ALPK2: variants seen among roughly 807,000 people sequenced by gnomAD.
ALPK2 encodes alpha kinase 2.
In ALPK2, 127 loss-of-function variants were observed where a neutral mutation model predicts 163.1. The ratio of observed to expected loss-of-function variants is 0.78; its 90% confidence interval spans 0.67 to 0.90. The LOEUF (loss-of-function observed/expected upper bound fraction) is 0.90, where lower values mean the gene tolerates loss of function less well. ALPK2 is among the 40% of genes least tolerant of loss of function. The pLI, the probability that ALPK2 is intolerant of heterozygous loss-of-function variation, is 0.00. For synonymous variants in ALPK2, 953 were observed against 959.1 expected (o/e 0.99, Z 0.12); for missense variants, 2,360 against 2,589.6 (o/e 0.91, Z 1.92).
At chr18:58,573,226 G>GTGTA (rs2051895556) in intron 4 of ALPK2, among the ~76,000 whole-genome samples, 1 of 139,466 alleles carries the variant, frequency 7.2e-6, no homozygotes, top group African/African-American at 2.7e-5. Context: ...ATATATATGT[G>GTGTA]TATATGTGTG....
At position 58,593,397 on chromosome 18, in the gene ALPK2, C is replaced by T. The variant is rs569499129; in HGVS notation, c.228-12849G>A. ...TGGCCAACATGGTGAAACCCCATCT[C>T]TACTAAAAATACAAAAATTAGCAGA... On this transcript the variant is annotated intron_variant, in intron 3 of 12. Transcript: ENST00000361673. Among the ~76,000 whole-genome samples the T allele has an allele frequency of 9.9e-5, 15 of 151,116 alleles. No individual in the cohort carries two copies. In the South Asian group the frequency reaches 2.9e-3, roughly 29 times the overall value.
At chr18:58,603,795 A>C (rs1402078369) in intron 3 of ALPK2, among the ~76,000 whole-genome samples, 1 of 150,792 alleles carries the variant, frequency 6.6e-6, no homozygotes, top group Non-Finnish European at 1.5e-5. Context: ...CCACTCCCCA[A>C]CTCCTACATC....
chr18:58,540,822 G>T (rs1016123120), intron 4 of ALPK2, among the ~76,000 whole-genome samples: 1 of 152,150 alleles, frequency 6.6e-6, no homozygotes, highest in African/African-American at 2.4e-5. Context: ...CAGGCACTGG[G>T]CAATTTTTTC....
intron 4 of ALPK2, 78 bp downstream of exon 4, chr18:58,578,736 A>ACACACGCGCGCGCACGCGCGCG (rs1555673981): frequency 1.7e-5 from 13 of 760,878 alleles, no homozygotes; most frequent in South Asian, 5.8e-5. Flanking sequence ...AGGAAGAGAC[A>ACACACGCGCGCGCACGCGCGCG]CACACACACA....
At chr18:58,628,715 T>C (rs2052244061) in intron 1 of ALPK2, 49 bp downstream of exon 1, 1 of 152,190 alleles carries the variant, frequency 6.6e-6, no homozygotes, top group Admixed American at 6.5e-5. Context: ...CAACTATATA[T>C]TGAAAGCACA....
chr18:58,498,616 A>G (rs904558992), intron 11 of ALPK2, among the ~76,000 whole-genome samples: 1 of 152,338 alleles, frequency 6.6e-6, no homozygotes. Flanking sequence ...TGTAGCTCCC[A>G]TAATTCCCAT....
rs140586410 is a variant in ALPK2 at position 58,517,104 on chromosome 18, C to T, written c.5744G>A (p.Arg1915His). 19 of 1,614,108 alleles carry T rather than the reference C, an allele frequency of 1.2e-5. No homozygotes were observed. Among genetic ancestry groups the T allele is most frequent in the East Asian group, 6.7e-5 (3 of 44,904 alleles). ...CAGCTCCTCCGTGGCGATCTGACCA[C>T]GCAGGCGGCCCCCAAAGTAGCTGTC... is the stretch of plus-strand genomic sequence containing the variant. ...LHDSYFGGRL[R>H]GQIATEELHF... Residue 1915 changes from arginine (R) to histidine (H), a missense_variant, in exon 9 of 13, where the codon CGT (arginine) becomes CAT (histidine). Transcript: ENST00000361673.
chr18:58,590,155 G>T (rs1293797612), intron 3 of ALPK2, among the ~76,000 whole-genome samples: 4 of 148,788 alleles, frequency 2.7e-5, no homozygotes, highest in Non-Finnish European at 4.4e-5. Context: ...CAGGGGCGGA[G>T]ATTGCAGTGA....
At chr18:58,526,738 G>T (rs2051587020) in intron 6 of ALPK2, among the ~76,000 whole-genome samples, 1 of 152,148 alleles carries the variant, frequency 6.6e-6, no homozygotes, top group African/African-American at 2.4e-5. Context: ...AAGTATATTA[G>T]TCTTGCCCTA....
intron 3 of ALPK2, among the ~76,000 whole-genome samples, chr18:58,599,844 T>C (rs1174712883): frequency 6.6e-6 from 1 of 152,078 alleles, no homozygotes; most frequent in African/African-American, 2.4e-5. Context: ...AACTGAGACA[T>C]AGAAAAGTTA....
intron 4 of ALPK2, among the ~76,000 whole-genome samples, chr18:58,549,721 CT>C (rs2051740028): frequency 6.6e-6 from 1 of 152,202 alleles, no homozygotes. Flanking sequence ...AATTTTCTTT[CT>C]GATTAAGCCT....
intron 12 of ALPK2, among the ~76,000 whole-genome samples, chr18:58,485,885 A>C (rs1489631191): frequency 6.6e-6 from 1 of 152,214 alleles, no homozygotes; most frequent in Non-Finnish European, 1.5e-5. Flanking sequence ...GCACATTGGA[A>C]ACAAGTCCCG....
chr18:58,529,058 A>G, intron 6 of ALPK2, 33 bp downstream of exon 6: 5 of 1,613,730 alleles, frequency 3.1e-6, no homozygotes, highest in Non-Finnish European at 4.2e-6. Flanking sequence ...ACAAGCAACA[A>G]CTGTGAAAAG....
At chr18:58,577,249 G>A (rs529950401) in intron 4 of ALPK2, among the ~76,000 whole-genome samples, 1 of 152,274 alleles carries the variant, frequency 6.6e-6, no homozygotes, top group East Asian at 1.9e-4. Flanking sequence ...TTGAAATTTG[G>A]GGCAGATGGA....
At chr18:58,482,083 C>T in intron 12 of ALPK2, 44 bp from the exon 13 acceptor site, 1 of 1,443,308 alleles carries the variant, frequency 6.9e-7, no homozygotes, top group Non-Finnish European at 9.7e-7. Flanking sequence ...AAAAACAGGA[C>T]ACTTTCATCA....
intron 12 of ALPK2, among the ~76,000 whole-genome samples, chr18:58,489,517 C>A (rs896841606): frequency 1.4e-5 from 2 of 147,038 alleles, no homozygotes; most frequent in African/African-American, 5.0e-5. Context: ...GAGACCCCAC[C>A]CCTACAAAAA....
In ALPK2 at chr18:58,517,079, C is replaced by T. The variant is rs768775259; in HGVS notation, c.5769G>A (p.Leu1923=). ...RLRGQIATEE[L]HFGEGVHRKA... Reference sequence around the variant, plus strand: ...TGCGGTGAACCCCTTCTCCAAAGTGCAGCTCCTCCGTGGCGATCTGACCAC... The same window carrying T: ...TGCGGTGAACCCCTTCTCCAAAGTGTAGCTCCTCCGTGGCGATCTGACCAC... The change falls in exon 9 of 13, where the codon CTG becomes CTA. Residue 1923 remains leucine (L), a synonymous_variant. Transcript: ENST00000361673. The T allele has an allele frequency of 6.2e-7, 1 of 1,614,246 alleles. No individual in the cohort carries two copies. The highest frequency in any genetic ancestry group is 8.5e-7 in the Non-Finnish European group (1 of 1,180,038).
intron 4 of ALPK2, among the ~76,000 whole-genome samples, chr18:58,568,604 C>T (rs557779792): frequency 6.6e-6 from 1 of 152,228 alleles, no homozygotes; most frequent in South Asian, 2.1e-4. Context: ...GCCTCTGTAT[C>T]CGTGGGTTTT....
intron 3 of ALPK2, among the ~76,000 whole-genome samples, chr18:58,601,066 G>GAGTTTTCA (rs1602235750): frequency 6.6e-6 from 1 of 152,162 alleles, no homozygotes; most frequent in East Asian, 1.9e-4. Flanking sequence ...GACCAGCCTG[G>GAGTTTTCA]CCAACATGGT....
Sources: gnomAD v4.1 joint callset for allele counts (sites outside exome capture counted in the v4.1 genomes callset) on GRCh38, gnomAD v4.1.1 for gene constraint, MANE v1.5 for transcripts, NCBI Gene and HGNC (gene_info 2026-07-23, HGNC 2026-07-21) for gene names.